The following CTCF variants were observed in gnomAD, a reference collection of about 807,000 sequenced individuals.
The protein encoded by CTCF is CCCTC-binding factor.
Under a neutral mutation model 72.3 loss-of-function variants are expected in CTCF, and 7 were observed. The observed-to-expected ratio is 0.10, with a 90% CI of 0.06 to 0.18. The LOEUF (loss-of-function observed/expected upper bound fraction) is 0.18, where lower values mean the gene tolerates loss of function less well. CTCF is among the 10% of genes least tolerant of loss of function. CTCF has a pLI of 1.00. For synonymous variants in CTCF, 374 were observed against 315.8 expected, an observed-to-expected ratio of 1.18 and a Z score of -1.95; for missense variants, 516 against 949.1, an observed-to-expected ratio of 0.54 and a Z score of 6.00.
Position 67,611,363 on chromosome 16 carries a change from A to C in CTCF, c.531A>C (p.Thr177=), listed in dbSNP as rs1468032797. 8.7e-6 allele frequency: 14 copies of C among 1,614,058 alleles called. No homozygotes were observed. Among genetic ancestry groups the C allele is most frequent in the Non-Finnish European group, 1.2e-5 (14 of 1,180,028 alleles). The change falls in exon 3 of 12, where the codon ACA becomes ACC. Residue 177 remains threonine, a synonymous_variant. Transcript: ENST00000264010. ...VKVGANGEVE[T]LEQGELPPQE... ...TGGGGGCCAATGGAGAGGTGGAGAC[A>C]CTAGAACAAGGGGAACTTCCACCCC...
intron 2 of CTCF, among the ~76,000 whole-genome samples, chr16:67,585,368 G>A (rs936687430): frequency 6.6e-6 from 1 of 152,164 alleles, no homozygotes; most frequent in African/African-American, 2.4e-5. Context: ...TCTTCAGTGT[G>A]TATTTTTCAG....
At chr16:67,626,952 CTG>C (rs1251648765) in intron 8 of CTCF, 1 of 344,542 alleles carries the variant, frequency 2.9e-6, no homozygotes, top group Non-Finnish European at 5.2e-6. Flanking sequence ...TTTCTGAAAA[CTG>C]TGGAAAGTAA....
chr16:67,590,520 G>A lies in CTCF; in HGVS notation c.-10+19256G>A, dbSNP rs184045691. ...ATAATTTTTTATTTTTATTTTTTTAGTAGAGACAGGGTTTCACTGTGTTAG... is the reference window on the plus strand; with the variant it reads ...ATAATTTTTTATTTTTATTTTTTTAATAGAGACAGGGTTTCACTGTGTTAG... On this transcript the variant is annotated intron_variant, in intron 2 of 11. Transcript: ENST00000264010. Among the ~76,000 whole-genome samples, 944 of 151,444 alleles carry A rather than the reference G, an allele frequency of 6.2e-3. 6 individuals carry two copies. Among genetic ancestry groups the A allele is most frequent in the African/African-American group, 0.021 (876 of 41,322 alleles).
In CTCF at chr16:67,628,528, G is replaced by A; in HGVS notation, c.1677G>A (p.Lys559=). The A allele has an allele frequency of 6.2e-7, 1 of 1,614,196 alleles. No homozygotes were observed. Among genetic ancestry groups the A allele is most frequent in the South Asian group, 1.1e-5 (1 of 91,088 alleles). The change falls in exon 9 of 12, where the codon AAG becomes AAA. Residue 559 remains lysine (K), a synonymous_variant. Coordinates refer to ENST00000264010, the MANE Select transcript of CTCF (RefSeq NM_006565.4). ...TCCCTGCGGCTTTTGTCTGTTCTAAGTGTGGGAAAACATTTACACGTCGGG... is the reference window on the plus strand; with the variant it reads ...TCCCTGCGGCTTTTGTCTGTTCTAAATGTGGGAAAACATTTACACGTCGGG... The part of the protein sequence containing the change: ...NFVPAAFVCS[K]CGKTFTRRNT...
intron 2 of CTCF, among the ~76,000 whole-genome samples, chr16:67,604,319 A>AT (rs972758199): frequency 1.3e-5 from 2 of 151,292 alleles, no homozygotes; most frequent in Admixed American, 6.6e-5. Flanking sequence ...AAGCATAACA[A>AT]TTTTTTTTGT....
chr16:67,583,377 G>A (rs1472813775), intron 2 of CTCF, among the ~76,000 whole-genome samples: 4 of 152,032 alleles, frequency 2.6e-5, no homozygotes, highest in African/African-American at 7.2e-5. Flanking sequence ...AGGTTGCTGA[G>A]GGTTTTTGAG....
intron 10 of CTCF, among the ~76,000 whole-genome samples, chr16:67,631,686 C>G (rs1195843044): frequency 8.6e-6 from 1 of 116,000 alleles, no homozygotes; most frequent in East Asian, 3.4e-4. Flanking sequence ...CCCCACCCCC[C>G]CCCCCTTTTT....
intron 2 of CTCF, among the ~76,000 whole-genome samples, chr16:67,585,211 G>A (rs1391866438): frequency 5.9e-5 from 9 of 152,090 alleles, no homozygotes; most frequent in African/African-American, 9.7e-5. Flanking sequence ...CATCATGCCC[G>A]GCTAATTTTT....
chr16:67,574,815 C>T (rs2051473516), intron 2 of CTCF, among the ~76,000 whole-genome samples: 1 of 151,788 alleles, frequency 6.6e-6, no homozygotes, highest in Non-Finnish European at 1.5e-5. Context: ...CCCACCACCA[C>T]ACCCAGCTAA....
chr16:67,633,108 G>T (rs750353333), intron 10 of CTCF, among the ~76,000 whole-genome samples: 2 of 152,198 alleles, frequency 1.3e-5, no homozygotes, highest in Non-Finnish European at 2.9e-5. Context: ...TAAAATGAGG[G>T]TAACACCCTC....
intron 10 of CTCF, among the ~76,000 whole-genome samples, chr16:67,634,119 A>G (rs1017139745): frequency 2.6e-5 from 4 of 152,100 alleles, no homozygotes; most frequent in African/African-American, 9.7e-5. Context: ...ATTTTTATTT[A>G]TTATTTTTTG....
chr16:67,617,004 T>C, intron 5 of CTCF, 126 bp downstream of exon 5: 1 of 931,308 alleles, frequency 1.1e-6, no homozygotes, highest in Non-Finnish European at 1.7e-6. Flanking sequence ...TTATTAACAC[T>C]CCCACACAAC....
intron 1 of CTCF, among the ~76,000 whole-genome samples, chr16:67,566,125 C>T (rs569791544): frequency 6.6e-6 from 1 of 152,302 alleles, no homozygotes; most frequent in African/African-American, 2.4e-5. Flanking sequence ...TTAGGCCCCT[C>T]TTCAAACAAC....
At chr16:67,574,617 C>T (rs575558735) in intron 2 of CTCF, among the ~76,000 whole-genome samples, 42 of 148,856 alleles carry the variant, frequency 2.8e-4, no homozygotes, top group Non-Finnish European at 2.1e-4. Context: ...GCTGGGATTA[C>T]AGGCATGAAC....
At chr16:67,615,451 A>G (rs1354294203) in intron 4 of CTCF, 1 of 152,162 alleles carries the variant, frequency 6.6e-6, no homozygotes, top group Non-Finnish European at 1.5e-5. Context: ...CTCCATCTCT[A>G]CAAAATAGAA....
chr16:67,632,789 T>G (rs1304729344), intron 10 of CTCF, among the ~76,000 whole-genome samples: 1 of 152,198 alleles, frequency 6.6e-6, no homozygotes, highest in Non-Finnish European at 1.5e-5. Flanking sequence ...TTCCCCACGT[T>G]TTCACTTAGG....
chr16:67,634,324 C>A (rs1480495326), intron 10 of CTCF, among the ~76,000 whole-genome samples: 1 of 151,960 alleles, frequency 6.6e-6, no homozygotes. Context: ...TCTCATACCT[C>A]AGCCTCCTAA....
At chr16:67,593,143 AAGAG>A (rs1191250287) in intron 2 of CTCF, among the ~76,000 whole-genome samples, 1 of 151,090 alleles carries the variant, frequency 6.6e-6, no homozygotes, top group African/African-American at 2.4e-5. Flanking sequence ...TATACATATA[AAGAG>A]AAAGGTGCAA....
intron 11 of CTCF, 26 bp downstream of exon 11, chr16:67,636,877 G>A (rs369073489): frequency 2.0e-5 from 29 of 1,464,220 alleles, no homozygotes; most frequent in Admixed American, 1.8e-4. Flanking sequence ...CTGCTCTGGA[G>A]GCTGGCGTCT....
Sources: allele counts gnomAD v4.1 joint callset (sites outside exome capture counted in the v4.1 genomes callset), GRCh38; gene constraint gnomAD v4.1.1; transcripts MANE v1.5; gene names NCBI Gene and HGNC (gene_info 2026-07-23, HGNC 2026-07-21).